The following MAP3K7CL variants were observed in gnomAD, a reference collection of about 807,000 sequenced individuals.
MAP3K7CL encodes the protein MAP3K7 C-terminal-like protein.
Under a neutral mutation model 18.6 loss-of-function variants are expected in MAP3K7CL, and 16 were observed. The observed-to-expected ratio is 0.86, with a 90% CI of 0.58 to 1.31. The LOEUF is 1.31. MAP3K7CL is among the 50% of genes most tolerant of loss of function. MAP3K7CL has a pLI of 0.00. For missense variants in MAP3K7CL, 163 were observed against 174.4 expected (o/e 0.93, Z 0.37); for synonymous variants, 65 against 66.8 (o/e 0.97, Z 0.13).
intron 4 of MAP3K7CL, among the ~76,000 whole-genome samples, chr21:29,161,285 C>T (rs1302509741): frequency 6.6e-6 from 1 of 152,136 alleles, no homozygotes; most frequent in African/African-American, 2.4e-5. Flanking sequence ...ATACTTCAGC[C>T]TGGGCAACAG....
chr21:29,143,287 T>C (rs1024706109), intron 2 of MAP3K7CL, among the ~76,000 whole-genome samples: 7 of 152,066 alleles, frequency 4.6e-5, no homozygotes, highest in African/African-American at 1.7e-4. Context: ...CTGCAGGAAA[T>C]GTCAACAAAT....
upstream of MAP3K7CL, among the ~76,000 whole-genome samples, chr21:29,083,253 C>G (rs1465790659): frequency 1.3e-5 from 2 of 152,146 alleles, no homozygotes; most frequent in South Asian, 2.1e-4. Flanking sequence ...TATCAAATGC[C>G]TAATTGCAAA....
chr21:29,127,028 C>T (rs2086693210), upstream of MAP3K7CL, among the ~76,000 whole-genome samples: 2 of 152,278 alleles, frequency 1.3e-5, no homozygotes, highest in East Asian at 3.9e-4. Context: ...GTCACTATGG[C>T]AAAGCCTGGG....
chr21:29,092,973 AG>A (rs780116690), intron 4 of MAP3K7CL, among the ~76,000 whole-genome samples: 4 of 151,890 alleles, frequency 2.6e-5, no homozygotes, highest in Non-Finnish European at 5.9e-5. Context: ...GCACGATCTC[AG>A]CTCACTGCCA....
chr21:29,095,533 T>C (rs1279739620), intron 4 of MAP3K7CL, among the ~76,000 whole-genome samples: 1 of 152,220 alleles, frequency 6.6e-6, no homozygotes, highest in Non-Finnish European at 1.5e-5. Flanking sequence ...TCAGTTTGGC[T>C]CATTGAATTA....
chr21:29,159,460 C>T (rs771361528), intron 3 of MAP3K7CL, among the ~76,000 whole-genome samples: 11 of 152,146 alleles, frequency 7.2e-5, no homozygotes, highest in Non-Finnish European at 2.9e-5. Flanking sequence ...AGCCCAAATG[C>T]ATTTCTCAGA....
chr21:29,089,454 A>C (rs1453730787), intron 1 of MAP3K7CL, among the ~76,000 whole-genome samples: 2 of 152,206 alleles, frequency 1.3e-5, no homozygotes, highest in African/African-American at 4.8e-5. Flanking sequence ...GCCCTTGTGA[A>C]CTGGCCCAGA....
chr21:29,107,426 C>T (rs1398902833), intron 4 of MAP3K7CL, among the ~76,000 whole-genome samples: 1 of 152,132 alleles, frequency 6.6e-6, no homozygotes, highest in East Asian at 1.9e-4. Context: ...GCCGGCAGCC[C>T]AAACAAGAGT....
chr21:29,150,647 G>T (rs944647970), intron 3 of MAP3K7CL, among the ~76,000 whole-genome samples: 1 of 151,982 alleles, frequency 6.6e-6, no homozygotes, highest in African/African-American at 2.4e-5. Flanking sequence ...CTCCATGCAG[G>T]GTTCTCAACC....
At chr21:29,174,136 C>T (rs1477546254) in intron 4 of MAP3K7CL, among the ~76,000 whole-genome samples, 1 of 152,150 alleles carries the variant, frequency 6.6e-6, no homozygotes, top group Non-Finnish European at 1.5e-5. Context: ...GGAGTCACGT[C>T]AGCATCAAAT....
chr21:29,093,072 T>C (rs1183085332), intron 4 of MAP3K7CL, among the ~76,000 whole-genome samples: 1 of 152,114 alleles, frequency 6.6e-6, no homozygotes, highest in East Asian at 1.9e-4. Context: ...CCCAGCTAAG[T>C]TTTGTATTTT....
At chr21:29,103,429 A>C (rs987011469) in intron 4 of MAP3K7CL, among the ~76,000 whole-genome samples, 2 of 151,142 alleles carry the variant, frequency 1.3e-5, no homozygotes, top group South Asian at 2.1e-4. Flanking sequence ...CATCTCTACA[A>C]AAAAAAAATT....
At chr21:29,171,991 T>C (rs1007482934) in intron 4 of MAP3K7CL, among the ~76,000 whole-genome samples, 1 of 128,474 alleles carries the variant, frequency 7.8e-6, no homozygotes, top group African/African-American at 2.5e-5. Context: ...AATACATGTA[T>C]GTATACGTAT....
intron 4 of MAP3K7CL, among the ~76,000 whole-genome samples, chr21:29,165,610 C>T (rs1042653208): frequency 4.6e-5 from 7 of 152,310 alleles, no homozygotes; most frequent in East Asian, 1.9e-4. Flanking sequence ...CTTGCTCAGT[C>T]TCCCAGGCTG....
chr21:29,153,720 A>G (rs1335717733), intron 3 of MAP3K7CL, among the ~76,000 whole-genome samples: 1 of 152,132 alleles, frequency 6.6e-6, no homozygotes, highest in East Asian at 1.9e-4. Flanking sequence ...AAATGCTGAG[A>G]TTACAGATGT....
Position 29,101,884 on chromosome 21 carries a change from AT to A in MAP3K7CL, c.370+9305del, listed in dbSNP as rs563872424. 2.2e-3 allele frequency among the ~76,000 whole-genome samples: 342 copies of A among 152,316 alleles called. 1 individual carries two copies. The highest frequency in any genetic ancestry group is 7.8e-3 in the African/African-American group (325 of 41,556). ...AACTAATAGTGACTTACTTTCATTC[AT>A]TCTTTAGATTTAAAAAGTTACAAAT... On this transcript the variant is annotated intron_variant, in intron 4 of 6. Coordinates refer to the MAP3K7CL transcript ENST00000286791.
chr21:29,132,384 CT>C (rs1486764220), intron 1 of MAP3K7CL, among the ~76,000 whole-genome samples: 1 of 151,988 alleles, frequency 6.6e-6, no homozygotes, highest in Non-Finnish European at 1.5e-5. Context: ...CTTGTCTTTG[CT>C]TTTATAGAGT....
At chr21:29,109,281 T>G (rs1301443291) in intron 4 of MAP3K7CL, 25 of 1,507,596 alleles carry the variant, frequency 1.7e-5, no homozygotes, top group Non-Finnish European at 2.1e-5. Context: ...GTGTGTGTAA[T>G]GCTTATTTTG....
In MAP3K7CL at chr21:29,175,167, G is replaced by A. The variant is rs554980183; in HGVS notation, c.*275G>A. ...GTTTTTTTCTTTTTTAGGAAGATAT[G>A]ATCATGCTGTACAACAGGGTAGAAA... is the stretch of plus-strand genomic sequence containing the variant. On this transcript the variant is annotated 3_prime_UTR_variant, in exon 5 of 5. Coordinates refer to ENST00000399928, the MANE Select transcript of MAP3K7CL (RefSeq NM_001286620.2). The A allele has an allele frequency of 2.2e-5, 6 of 278,504 alleles. No homozygotes were observed. The highest frequency in any genetic ancestry group is 1.3e-4 in the African/African-American group (6 of 45,240). The allele number at this position is 278,504 out of a possible 1,614,324, so 17.3% of individuals were successfully genotyped here. A position where few individuals can be genotyped will look rare whatever the true frequency, so the allele number is the denominator to read the frequency against.
Sources: gnomAD v4.1 joint callset for allele counts (sites outside exome capture counted in the v4.1 genomes callset) on GRCh38, gnomAD v4.1.1 for gene constraint, MANE v1.5 for transcripts, NCBI Gene and HGNC (gene_info 2026-07-23, HGNC 2026-07-21) for gene names.